AKR1C2: variants seen among roughly 807,000 people sequenced by gnomAD.
AKR1C2 encodes the protein 3-alpha-HSD3.
In AKR1C2, 27 loss-of-function variants were observed where a neutral mutation model predicts 39.8. The observed-to-expected ratio is 0.68, with a 90% CI of 0.50 to 0.93. The LOEUF (loss-of-function observed/expected upper bound fraction) is 0.93, where lower values mean the gene tolerates loss of function less well. AKR1C2 is among the 40% of genes least tolerant of loss of function. AKR1C2 has a pLI of 0.00. For synonymous variants in AKR1C2, 114 were observed against 137.9 expected (o/e 0.83, Z 1.22); for missense variants, 263 against 365.1 (o/e 0.72, Z 2.28).
At chr10:5,005,978 G>T (rs1392579348), upstream of AKR1C2, 1 of 152,200 alleles carries the variant, frequency 6.6e-6, no homozygotes, top group African/African-American at 2.4e-5. Flanking sequence ...ACCAGAGAGT[G>T]TTTCAATAGC....
upstream of AKR1C2, among the ~76,000 whole-genome samples, chr10:5,008,571 T>TCA (rs1837456018): frequency 1.1e-4 from 17 of 151,428 alleles, 1 homozygote; most frequent in African/African-American, 4.2e-4. Context: ...GAAACTGATC[T>TCA]CAGGAGACCA....
chr10:5,003,321 C>T (rs1837327634), intron 1 of AKR1C2, among the ~76,000 whole-genome samples: 1 of 150,288 alleles, frequency 6.7e-6, no homozygotes, highest in Admixed American at 6.7e-5. Flanking sequence ...CAGTGTGGTG[C>T]TCAAGGCCGC....
In AKR1C2 at chr10:4,998,475, A is replaced by G. The variant is rs1227631443; in HGVS notation, c.570+150T>C. 8 of 1,439,726 alleles carry G rather than the reference A, an allele frequency of 5.6e-6. No homozygotes were observed. The East Asian group carries it at 1.6e-4, about 29-fold the overall frequency. The allele number at this position is 1,439,726 out of a possible 1,614,324, so 89.2% of individuals were successfully genotyped here. The stretch of plus-strand genomic sequence containing the variant: ...GACTTTTCTAAGCAGGGTACAAGTA[A>G]GAGGACTCCATGCCCTTCTAGGAAG... On this transcript the variant is annotated intron_variant, in intron 5 of 8. Coordinates refer to ENST00000380753, the MANE Select transcript of AKR1C2 (RefSeq NM_001393392.1).
At chr10:5,017,084 C>A (rs1388190574) in intron 1 of AKR1C2, among the ~76,000 whole-genome samples, 1 of 152,210 alleles carries the variant, frequency 6.6e-6, no homozygotes, top group Admixed American at 6.5e-5. Flanking sequence ...CTCTCCTAAA[C>A]CTCCAGGTCT....
Position 4,989,261 on chromosome 10 carries a change from A to C in AKR1C2, c.*735T>G, listed in dbSNP as rs1836757183. On this transcript the variant is annotated 3_prime_UTR_variant, in exon 9 of 9. Transcript: ENST00000380753. ...CATCAAAGATTCAGGCCTGACTCTCAGCTGTGGGGTTTGTTAAAACAATGT... is the reference window on the plus strand; with the variant it reads ...CATCAAAGATTCAGGCCTGACTCTCCGCTGTGGGGTTTGTTAAAACAATGT... 1 of 152,178 alleles carries C rather than the reference A, an allele frequency of 6.6e-6. No individual in the cohort carries two copies. Among genetic ancestry groups the C allele is most frequent in the Non-Finnish European group, 1.5e-5 (1 of 68,042 alleles). 9.4% of individuals were successfully genotyped at this position (152,178 alleles called of 1,614,324 possible). A position where few individuals can be genotyped will look rare whatever the true frequency, so the allele number is the denominator to read the frequency against.
chr10:5,000,321 G>A (rs1384243479), intron 3 of AKR1C2: 4 of 1,509,646 alleles, frequency 2.6e-6, no homozygotes, highest in Non-Finnish European at 3.5e-6. Context: ...TTGAGGCAGA[G>A]GCTTTGAGGA....
At chr10:4,993,083 G>C (rs1320721366) in intron 7 of AKR1C2, among the ~76,000 whole-genome samples, 2 of 152,192 alleles carry the variant, frequency 1.3e-5, no homozygotes, top group African/African-American at 4.8e-5. Flanking sequence ...CAAAGATTCA[G>C]TTCTCTCTGC....
At chr10:5,003,398 A>C (rs1837329920) in intron 1 of AKR1C2, among the ~76,000 whole-genome samples, 1 of 151,716 alleles carries the variant, frequency 6.6e-6, no homozygotes, top group African/African-American at 2.4e-5. Context: ...TTTGCCATAA[A>C]AATTCCTCTG....
chr10:5,008,656 G>C (rs1354113722), upstream of AKR1C2, among the ~76,000 whole-genome samples: 1 of 152,244 alleles, frequency 6.6e-6, no homozygotes, highest in Non-Finnish European at 1.5e-5. Flanking sequence ...AGGGAGGAAA[G>C]CAGATGGAAG....
chr10:5,014,548 A>G (rs1381374659), intron 1 of AKR1C2, among the ~76,000 whole-genome samples: 4 of 152,274 alleles, frequency 2.6e-5, no homozygotes, highest in African/African-American at 7.2e-5. Flanking sequence ...CTTATCTTGA[A>G]TACATCCTCT....
chr10:5,016,288 T>A (rs1554775347), intron 1 of AKR1C2, among the ~76,000 whole-genome samples: 1 of 152,238 alleles, frequency 6.6e-6, no homozygotes, highest in Non-Finnish European at 1.5e-5. Context: ...GGCAAGTCCC[T>A]TCCAACTATG....
chr10:4,996,510 T>C (rs1837046499), intron 5 of AKR1C2, among the ~76,000 whole-genome samples: 1 of 146,888 alleles, frequency 6.8e-6, no homozygotes, highest in South Asian at 2.2e-4. Context: ...CATGAGTCTT[T>C]GATCACATTC....
intron 7 of AKR1C2, among the ~76,000 whole-genome samples, chr10:4,993,688 T>C (rs1836918615): frequency 6.6e-6 from 1 of 151,990 alleles, no homozygotes; most frequent in Non-Finnish European, 1.5e-5. Context: ...ACAACGCAGA[T>C]AAAATTTGGG....
At chr10:5,007,267 G>A (rs1376205596), upstream of AKR1C2, 1 of 137,978 alleles carries the variant, frequency 7.2e-6, no homozygotes, top group African/African-American at 2.6e-5. Flanking sequence ...TGAAAAACGT[G>A]GAAACATGTA....
chr10:4,994,395 T>C (rs1383467279), intron 7 of AKR1C2, among the ~76,000 whole-genome samples: 1 of 152,224 alleles, frequency 6.6e-6, no homozygotes, highest in Non-Finnish European at 1.5e-5. Flanking sequence ...TGCTTGGCTA[T>C]ATGAATTTCC....
intron 7 of AKR1C2, among the ~76,000 whole-genome samples, chr10:4,993,358 G>T (rs1200987789): frequency 3.3e-5 from 5 of 152,204 alleles, no homozygotes; most frequent in African/African-American, 1.2e-4. Flanking sequence ...TCATATATGT[G>T]TCAGGTAAAA....
rs782308323 is a variant in AKR1C2 at position 4,998,734 on chromosome 10, C to T, written c.461G>A (p.Cys154Tyr). ...GGACTTGGCCAATCCTGCATCTTTA[C>T]ACTTCTCCATGGCCTGGGAAAAAGG... The part of the protein sequence containing the change: ...LCATWEAMEK[C>Y]KDAGLAKSIG... Residue 154 changes from cysteine (C) to tyrosine (Y), a missense_variant, in exon 5 of 9, where the codon TGT becomes TAT. This residue lies in a region of AKR1C2 where 247 missense variants were observed against 267.9 expected (regional missense o/e 0.92). Transcript: ENST00000380753. The T allele has an allele frequency of 1.2e-6, 2 of 1,614,138 alleles. No individual in the cohort carries two copies. Among genetic ancestry groups the T allele is most frequent in the South Asian group, 1.1e-5 (1 of 91,076 alleles).
intron 7 of AKR1C2, among the ~76,000 whole-genome samples, chr10:4,994,429 G>A (rs1185466881): frequency 6.6e-6 from 1 of 152,132 alleles, no homozygotes; most frequent in Non-Finnish European, 1.5e-5. Flanking sequence ...AAGAGGTGGT[G>A]TGTGTTTCCC....
In AKR1C2 at chr10:4,989,145, T is replaced by C. The variant is rs1467931945; in HGVS notation, c.*851A>G. On this transcript the variant is annotated 3_prime_UTR_variant, in exon 9 of 9. Transcript: ENST00000380753. Reference sequence around the variant, plus strand: ...ACAATCTAAGAATATTTTCTAAATATGAGCTATTCAGGGGAATGTGATGAG... The same window carrying C: ...ACAATCTAAGAATATTTTCTAAATACGAGCTATTCAGGGGAATGTGATGAG... 6.6e-6 allele frequency: 1 copy of C among 152,198 alleles called. No individual in the cohort carries two copies. Among genetic ancestry groups the C allele is most frequent in the Non-Finnish European group, 1.5e-5 (1 of 68,032 alleles). The allele number at this position is 152,198 out of a possible 1,614,324, so 9.4% of individuals were successfully genotyped here.
Sources: gnomAD v4.1 joint callset for allele counts (sites outside exome capture counted in the v4.1 genomes callset) on GRCh38, gnomAD v4.1.1 for gene constraint, gnomAD v4.1.1 regional missense constraint, MANE v1.5 for transcripts, NCBI Gene and HGNC (gene_info 2026-07-23, HGNC 2026-07-21) for gene names.